DAAM1: variants seen among roughly 807,000 people sequenced by gnomAD.
DAAM1 encodes the protein dishevelled associated activator of morphogenesis 1.
A neutral mutation model predicts 130.0 loss-of-function variants in DAAM1; 52 were observed. That is an observed-to-expected ratio of 0.40 (90% CI 0.32 to 0.50). The LOEUF (loss-of-function observed/expected upper bound fraction) is 0.50, where lower values mean the gene tolerates loss of function less well. Ranked by LOEUF, DAAM1 falls within the 20% of genes least tolerant of loss-of-function variation. The pLI is 0.61. For missense variants in DAAM1, 1,134 were observed against 1,303.8 expected, an observed-to-expected ratio of 0.87 and a Z score of 2.01; for synonymous variants, 452 against 444.5, an observed-to-expected ratio of 1.02 and a Z score of -0.21.
At chr14:59,205,730 T>G (rs2139401751) in intron 1 of DAAM1, among the ~76,000 whole-genome samples, 1 of 152,350 alleles carries the variant, frequency 6.6e-6, no homozygotes, top group African/African-American at 2.4e-5. Flanking sequence ...CTTTATATTG[T>G]GTTAAGAGAA....
chr14:59,371,405 A>C (rs1183599464), downstream of DAAM1: 1 of 152,184 alleles, frequency 6.6e-6, no homozygotes. Context: ...TTGGGTGTAC[A>C]TATATGCTTT....
intron 1 of DAAM1, among the ~76,000 whole-genome samples, chr14:59,241,680 G>A (rs1213787350): frequency 6.6e-6 from 1 of 152,182 alleles, no homozygotes; most frequent in Non-Finnish European, 1.5e-5. Context: ...GAGCTTCCCT[G>A]TGTCTTCTAA....
rs536253947 is a variant in DAAM1, at chr14:59,356,834, A to G, written c.2525+1501A>G. 2.0e-4 allele frequency among the ~76,000 whole-genome samples: 31 copies of G among 152,352 alleles called. No individual in the cohort carries two copies. In the South Asian group the frequency reaches 5.2e-3, roughly 25 times the overall value. Reference sequence around the variant, plus strand: ...AAGTACAAGCCTTTTCAAAAGAACAATCTGCAACTATTTCTGATCTTTCTG... The same window carrying G: ...AAGTACAAGCCTTTTCAAAAGAACAGTCTGCAACTATTTCTGATCTTTCTG... On this transcript the variant is annotated intron_variant, in intron 20 of 24. Coordinates refer to ENST00000360909, the MANE Select transcript of DAAM1 (RefSeq NM_001270520.2).
chr14:59,288,807 G>T (rs1883575784), intron 2 of DAAM1, among the ~76,000 whole-genome samples: 1 of 148,408 alleles, frequency 6.7e-6, no homozygotes, highest in Non-Finnish European at 1.5e-5. Flanking sequence ...AGAAGGGGAA[G>T]CAAGCACATT....
In DAAM1 at chr14:59,368,807, A is replaced by G. The variant is rs202084729; in HGVS notation, c.3155A>G (p.Asn1052Ser). 2.0e-5 allele frequency: 33 copies of G among 1,613,974 alleles called. No homozygotes were observed. The highest frequency in any genetic ancestry group is 2.0e-5 in the Non-Finnish European group (24 of 1,179,910). ...AAACGGAATCGCAAACGTATTACCA[A>G]CCAGATGACTGACAGCAGCAGAGAG... ...KLKRNRKRIT[N>S]QMTDSSRERP... Residue 1052 changes from asparagine to serine, a missense_variant, in exon 25 of 25, where the codon AAC becomes AGC. By Grantham distance (46) the Asn-to-Ser change is conservative. Transcript: ENST00000360909.
Position 59,251,865 on chromosome 14 carries a change from T to C in DAAM1, c.-37-11576T>C, listed in dbSNP as rs144238793. Among the ~76,000 whole-genome samples the C allele has an allele frequency of 2.0e-5, 3 of 152,280 alleles. No homozygotes were observed. In the East Asian group the frequency reaches 5.8e-4, roughly 29 times the overall value. The stretch of plus-strand genomic sequence containing the variant: ...TTCCAGTTTTTATAATGTGATTCTG[T>C]CATTGTTTCTGGGTGGCTTCTCCTT... On this transcript the variant is annotated intron_variant, in intron 1 of 24. Transcript: ENST00000360909.
chr14:59,313,526 G>C (rs1884673255), intron 3 of DAAM1, among the ~76,000 whole-genome samples: 1 of 152,130 alleles, frequency 6.6e-6, no homozygotes, highest in African/African-American at 2.4e-5. Context: ...TAAATATTAA[G>C]CTTACAACAG....
Position 59,324,181 on chromosome 14 carries a change from T to A in DAAM1, c.828T>A (p.Ser276Arg). Residue 276 changes from serine to arginine, a missense_variant, in exon 7 of 25, where the codon AGT becomes AGA. Transcript: ENST00000360909. ...CTGGGCGGTATCGAGATGAAGTGAGTCTCAAGACTGCCATCATGTCCTTCA... is the reference window on the plus strand; with the variant it reads ...CTGGGCGGTATCGAGATGAAGTGAGACTCAAGACTGCCATCATGTCCTTCA... ...KSTGRYRDEV[S>R]LKTAIMSFIN... 6.8e-7 allele frequency: 1 copy of A among 1,463,778 alleles called. No individual in the cohort carries two copies. The highest frequency in any genetic ancestry group is 9.1e-7 in the Non-Finnish European group (1 of 1,099,434). 90.7% of individuals were successfully genotyped at this position (1,463,778 alleles called of 1,614,324 possible). A position where few individuals can be genotyped will look rare whatever the true frequency, so the allele number is the denominator to read the frequency against.
intron 22 of DAAM1, among the ~76,000 whole-genome samples, chr14:59,361,579 A>G (rs993300101): frequency 2.6e-5 from 4 of 152,348 alleles, no homozygotes; most frequent in Admixed American, 6.5e-5. Flanking sequence ...TCCCAGGCAT[A>G]CAAGACAACC....
chr14:59,207,471 A>G (rs528201598), intron 1 of DAAM1, among the ~76,000 whole-genome samples: 2 of 152,346 alleles, frequency 1.3e-5, no homozygotes, highest in East Asian at 3.9e-4. Context: ...TAATATATTT[A>G]TCATGTTAGA....
intron 2 of DAAM1, 74 bp downstream of exon 2, chr14:59,263,734 G>T: frequency 6.3e-7 from 1 of 1,591,096 alleles, no homozygotes; most frequent in African/African-American, 1.3e-5. Context: ...TGAATGAGTT[G>T]GTTTGGTTTG....
intron 3 of DAAM1, among the ~76,000 whole-genome samples, chr14:59,296,050 C>T (rs572507683): frequency 2.0e-5 from 3 of 152,332 alleles, no homozygotes; most frequent in South Asian, 4.1e-4. Flanking sequence ...GAGTTTTCAA[C>T]TCCAGTGATG....
intron 1 of DAAM1, among the ~76,000 whole-genome samples, chr14:59,203,609 C>G (rs1888177903): frequency 6.6e-6 from 1 of 152,024 alleles, no homozygotes; most frequent in Non-Finnish European, 1.5e-5. Context: ...ATTTATGGAC[C>G]ACTTGAGATA....
intron 2 of DAAM1, among the ~76,000 whole-genome samples, chr14:59,271,218 A>G (rs1882692567): frequency 6.6e-6 from 1 of 152,210 alleles, no homozygotes; most frequent in Admixed American, 6.5e-5. Context: ...GCCTTCCAGG[A>G]AATGTAAAAT....
intron 16 of DAAM1, among the ~76,000 whole-genome samples, chr14:59,346,168 G>C (rs1169495538): frequency 1.4e-5 from 2 of 147,382 alleles, no homozygotes; most frequent in East Asian, 2.0e-4. Flanking sequence ...GAGGGATGCA[G>C]TTATGTAGTT....
rs780643845 is a variant in DAAM1, at chr14:59,206,338, C to T, written c.-38+17570C>T. On this transcript the variant is annotated intron_variant, in intron 1 of 24. Coordinates refer to ENST00000360909, the MANE Select transcript of DAAM1 (RefSeq NM_001270520.2). ...TCGCCCAGTCTGGAGTACAGTGGTG[C>T]GATCTCGGCTCACTGCAAGCTCCGC... Among the ~76,000 whole-genome samples, 11 of 152,066 alleles carry T rather than the reference C, an allele frequency of 7.2e-5. No homozygotes were observed. The East Asian group carries it at 9.7e-4, about 13-fold the overall frequency.
chr14:59,286,023 TAAAAC>T (rs1326890706), intron 2 of DAAM1, among the ~76,000 whole-genome samples: 3 of 152,052 alleles, frequency 2.0e-5, no homozygotes, highest in Non-Finnish European at 4.4e-5. Context: ...TATTCAGCCA[TAAAAC>T]AAATCTCAGC....
intron 1 of DAAM1, among the ~76,000 whole-genome samples, chr14:59,189,835 G>T (rs1003122325): frequency 6.6e-6 from 1 of 152,054 alleles, no homozygotes; most frequent in East Asian, 1.9e-4. Flanking sequence ...AGTTGTTCAC[G>T]GCCTGGCTTT....
At position 59,350,426 on chromosome 14, in the gene DAAM1, AC is replaced by A. The variant is rs1196716512; in HGVS notation, c.2161-2096del. ...ACACACCTACACACAGTGTGCATAC[AC>A]CCCTGCATGCACACCCTCATGCACA... On this transcript the variant is annotated intron_variant, in intron 17 of 24. Transcript: ENST00000360909. Among the ~76,000 whole-genome samples the A allele has an allele frequency of 2.0e-5, 3 of 148,688 alleles. No individual in the cohort carries two copies. The Admixed American group carries it at 2.0e-4, about 10-fold the overall frequency.
Sources: allele counts gnomAD v4.1 joint callset (sites outside exome capture counted in the v4.1 genomes callset), GRCh38; gene constraint gnomAD v4.1.1; transcripts MANE v1.5; gene names NCBI Gene and HGNC (gene_info 2026-07-23, HGNC 2026-07-21).